Variants in KCNH5 observed in about 807,000 individuals in gnomAD.
The protein encoded by KCNH5 is voltage-gated delayed rectifier potassium channel KCNH5.
Under a neutral mutation model 96.1 loss-of-function variants are expected in KCNH5, and 46 were observed. The observed-to-expected ratio is 0.48, with a 90% CI of 0.38 to 0.61. KCNH5 has a LOEUF of 0.61. KCNH5 is among the 20% of genes least tolerant of loss of function. The pLI, the probability that KCNH5 is intolerant of heterozygous loss-of-function variation, is 0.00. For synonymous variants in KCNH5, 439 were observed against 449.8 expected (o/e 0.98, Z 0.30); for missense variants, 907 against 1,225.8 (o/e 0.74, Z 3.88).
chr14:63,000,824 A>C (rs1051875676), intron 4 of KCNH5, among the ~76,000 whole-genome samples: 2 of 152,208 alleles, frequency 1.3e-5, no homozygotes, highest in African/African-American at 4.8e-5. Flanking sequence ...CTGTAATCCC[A>C]GCACTTTGGG....
intron 1 of KCNH5, among the ~76,000 whole-genome samples, chr14:63,026,161 C>T (rs1198368345): frequency 6.6e-6 from 1 of 151,890 alleles, no homozygotes; most frequent in African/African-American, 2.4e-5. Context: ...GGATATCCCA[C>T]ATCAGAAGAA....
At chr14:62,730,580 A>C (rs903866455) in intron 10 of KCNH5, among the ~76,000 whole-genome samples, 1 of 152,222 alleles carries the variant, frequency 6.6e-6, no homozygotes, top group South Asian at 2.1e-4. Flanking sequence ...ATGAAAAGAG[A>C]TATCTCTCCA....
At chr14:62,918,808 T>C (rs1027168465) in intron 7 of KCNH5, among the ~76,000 whole-genome samples, 14 of 152,112 alleles carry the variant, frequency 9.2e-5, no homozygotes, top group Admixed American at 9.2e-4. Context: ...TGACACTATA[T>C]ATCCAATAAA....
intron 7 of KCNH5, among the ~76,000 whole-genome samples, chr14:62,884,026 C>T (rs1888545078): frequency 6.6e-6 from 1 of 152,068 alleles, no homozygotes. Flanking sequence ...TAAATAGTCC[C>T]AGAAGTATTT....
At chr14:62,871,202 A>G (rs146281220) in intron 7 of KCNH5, among the ~76,000 whole-genome samples, 1 of 152,332 alleles carries the variant, frequency 6.6e-6, no homozygotes, top group East Asian at 1.9e-4. Flanking sequence ...CTAAAATACA[A>G]TGGTATAAAA....
At chr14:62,883,053 T>C (rs759523767) in intron 7 of KCNH5, among the ~76,000 whole-genome samples, 8 of 152,212 alleles carry the variant, frequency 5.3e-5, no homozygotes, top group Admixed American at 3.9e-4. Flanking sequence ...TAAAATTACA[T>C]TGAGGAATCA....
At chr14:62,939,847 G>A (rs148307904) in intron 7 of KCNH5, among the ~76,000 whole-genome samples, 2,935 of 152,080 alleles carry the variant, frequency 0.019, 58 homozygotes, top group East Asian at 0.081. Flanking sequence ...GGCTGAGGCA[G>A]GACAATCATT....
chr14:62,804,591 T>C (rs565951935), intron 8 of KCNH5, among the ~76,000 whole-genome samples: 2 of 152,276 alleles, frequency 1.3e-5, no homozygotes, highest in East Asian at 1.9e-4. Context: ...CATAAAAGCA[T>C]GTGCTGCCTG....
chr14:62,748,043 G>A (rs1187530968), intron 10 of KCNH5, among the ~76,000 whole-genome samples: 2 of 152,178 alleles, frequency 1.3e-5, no homozygotes, highest in Non-Finnish European at 2.9e-5. Context: ...TCTGGTTACA[G>A]GAAAGGGGTC....
At chr14:62,770,041 G>T (rs1885951743) in intron 10 of KCNH5, among the ~76,000 whole-genome samples, 1 of 152,124 alleles carries the variant, frequency 6.6e-6, no homozygotes, top group Non-Finnish European at 1.5e-5. Context: ...AGAATTGATG[G>T]ATTCGTGGAA....
intron 4 of KCNH5, among the ~76,000 whole-genome samples, chr14:62,991,956 T>C (rs528392099): frequency 6.6e-6 from 1 of 152,074 alleles, no homozygotes; most frequent in Non-Finnish European, 1.5e-5. Flanking sequence ...TCATTAAGAA[T>C]TTCTCATCAT....
chr14:62,790,406 A>C (rs1886409031), intron 9 of KCNH5, among the ~76,000 whole-genome samples: 1 of 151,816 alleles, frequency 6.6e-6, no homozygotes, highest in South Asian at 2.1e-4. Context: ...CTTCATAAAA[A>C]TTTGAGGATT....
chr14:63,008,539 G>A (rs1396016932), intron 2 of KCNH5, among the ~76,000 whole-genome samples: 2 of 151,866 alleles, frequency 1.3e-5, no homozygotes, highest in Non-Finnish European at 1.5e-5. Context: ...AAATGAAAGT[G>A]GGTAAGGCAG....
intron 8 of KCNH5, among the ~76,000 whole-genome samples, chr14:62,817,078 A>ATATATAT (rs1157688936): frequency 7.2e-6 from 1 of 138,452 alleles, no homozygotes. Context: ...GTGTATCTAT[A>ATATATAT]TATATATTAT....
chr14:62,817,189 TATATATCATATATC>T (rs1282064588), intron 8 of KCNH5, among the ~76,000 whole-genome samples: 31 of 139,378 alleles, frequency 2.2e-4, no homozygotes, highest in African/African-American at 8.1e-4. Flanking sequence ...TACTATATAT[TATATATCATATATC>T]ATATATTATA....
intron 1 of KCNH5, among the ~76,000 whole-genome samples, chr14:63,024,414 A>G (rs1262905807): frequency 6.6e-6 from 1 of 152,056 alleles, no homozygotes; most frequent in Non-Finnish European, 1.5e-5. Flanking sequence ...AGTTAGTAGA[A>G]GGAAAGAAAT....
At chr14:62,734,880 C>T (rs1885125098) in intron 10 of KCNH5, among the ~76,000 whole-genome samples, 1 of 151,958 alleles carries the variant, frequency 6.6e-6, no homozygotes, top group South Asian at 2.1e-4. Context: ...TATGCTTTAA[C>T]CTCAATGTCA....
intron 10 of KCNH5, among the ~76,000 whole-genome samples, chr14:62,765,778 C>T (rs1039939467): frequency 4.6e-5 from 7 of 152,048 alleles, no homozygotes; most frequent in Admixed American, 4.6e-4. Context: ...GGGCATTGGT[C>T]TGGGCAAAAA....
At chr14:62,737,753 G>T (rs1020318471) in intron 10 of KCNH5, among the ~76,000 whole-genome samples, 1 of 152,004 alleles carries the variant, frequency 6.6e-6, no homozygotes, top group African/African-American at 2.4e-5. Flanking sequence ...AATCCCAGTC[G>T]AGTACCACTT....
Sources: allele counts gnomAD v4.1 joint callset (sites outside exome capture counted in the v4.1 genomes callset), GRCh38; gene constraint gnomAD v4.1.1; transcripts MANE v1.5; gene names NCBI Gene and HGNC (gene_info 2026-07-23, HGNC 2026-07-21).